The following LRBA variants were observed in gnomAD, a reference collection of about 807,000 sequenced individuals.
LRBA encodes the protein lipopolysaccharide-responsive and beige-like anchor protein.
In LRBA, 176 loss-of-function variants were observed where a neutral mutation model predicts 330.0. The ratio of observed to expected loss-of-function variants is 0.53; its 90% CI spans 0.47 to 0.60. LRBA has a LOEUF of 0.60. Ranked by LOEUF, LRBA falls within the 20% of genes least tolerant of loss-of-function variation. The probability of loss-of-function intolerance (pLI) is 0.00; values close to 1 mark genes in which losing one functional copy is unlikely to be tolerated. For synonymous variants in LRBA, 1,230 were observed against 1,193.0 expected (o/e 1.03, Z -0.64); for missense variants, 3,259 against 3,444.8 (o/e 0.95, Z 1.35).
chr4:150,458,772 ATATT>A (rs1183056089), intron 44 of LRBA, among the ~76,000 whole-genome samples: 1 of 146,844 alleles, frequency 6.8e-6, no homozygotes, highest in Non-Finnish European at 1.5e-5. Flanking sequence ...TTATCTGAAA[ATATT>A]TATTCTAGTT....
Position 150,921,297 on chromosome 4 carries a change from T to C in LRBA, c.550-4A>G, listed in dbSNP as rs1733230475. 1 of 1,564,222 alleles carries C rather than the reference T, an allele frequency of 6.4e-7. No homozygotes were observed. Among genetic ancestry groups the C allele is most frequent in the Non-Finnish European group, 8.8e-7 (1 of 1,135,006 alleles). On this transcript the variant is annotated splice_polypyrimidine_tract_variant and splice_region_variant and intron_variant, in intron 4 of 56. Transcript: ENST00000651943. ...GCAACTTCCCAGCATGTGGAGGCTA[T>C]GAAGATAATTAACAATTCATTAACC...
At chr4:150,678,142 G>C (rs1363408681) in intron 37 of LRBA, among the ~76,000 whole-genome samples, 1 of 151,856 alleles carries the variant, frequency 6.6e-6, no homozygotes, top group Non-Finnish European at 1.5e-5. Context: ...TTCAAAGGCT[G>C]AGACAGGATA....
intron 51 of LRBA, among the ~76,000 whole-genome samples, chr4:150,313,536 G>C (rs1381979206): frequency 6.6e-6 from 1 of 151,998 alleles, no homozygotes; most frequent in East Asian, 1.9e-4. Context: ...AGTGATCTAG[G>C]GCAGGGACAG....
At chr4:150,948,677 C>T (rs184050945) in intron 2 of LRBA, among the ~76,000 whole-genome samples, 72 of 151,934 alleles carry the variant, frequency 4.7e-4, no homozygotes, top group Admixed American at 1.2e-3. Context: ...AAGCTACAAA[C>T]TAGGAGAAAA....
At chr4:150,645,404 G>A (rs1779030735) in intron 37 of LRBA, among the ~76,000 whole-genome samples, 2 of 151,780 alleles carry the variant, frequency 1.3e-5, no homozygotes, top group Admixed American at 1.3e-4. Context: ...GTAATATGAA[G>A]TTACTTTATA....
At chr4:150,766,104 T>G (rs1482181504) in intron 34 of LRBA, among the ~76,000 whole-genome samples, 3 of 152,052 alleles carry the variant, frequency 2.0e-5, no homozygotes, top group Non-Finnish European at 4.4e-5. Context: ...TCGAGGATCA[T>G]CTATAAACCC....
At chr4:150,841,233 T>G (rs147590023) in intron 28 of LRBA, among the ~76,000 whole-genome samples, 1 of 152,340 alleles carries the variant, frequency 6.6e-6, no homozygotes, top group East Asian at 1.9e-4. Flanking sequence ...TGTTATAAAT[T>G]AGTTATGCCA....
chr4:150,489,591 A>T (rs1464007306), intron 41 of LRBA, among the ~76,000 whole-genome samples: 2 of 71,718 alleles, frequency 2.8e-5, no homozygotes, highest in South Asian at 3.6e-4. Context: ...ATAATATATT[A>T]TATAAGAATA....
intron 37 of LRBA, among the ~76,000 whole-genome samples, chr4:150,629,474 A>G (rs1406863737): frequency 6.6e-6 from 1 of 151,794 alleles, no homozygotes; most frequent in Non-Finnish European, 1.5e-5. Flanking sequence ...CCCCACCTCT[A>G]CTAAAAATAC....
At chr4:150,831,557 A>G (rs979960756) in intron 29 of LRBA, among the ~76,000 whole-genome samples, 1 of 152,222 alleles carries the variant, frequency 6.6e-6, no homozygotes, top group Non-Finnish European at 1.5e-5. Context: ...AAATGAAGTC[A>G]ATAAAATTTT....
At chr4:150,985,244 C>A (rs1345974216) in intron 2 of LRBA, among the ~76,000 whole-genome samples, 1 of 143,970 alleles carries the variant, frequency 6.9e-6, no homozygotes. Flanking sequence ...GGTGACAGAG[C>A]TAGACTCCAT....
chr4:150,718,713 A>G (rs1043060679), intron 36 of LRBA, among the ~76,000 whole-genome samples: 1 of 152,160 alleles, frequency 6.6e-6, no homozygotes, highest in Admixed American at 6.5e-5. Flanking sequence ...AAATTTTATT[A>G]TAACACCTTA....
intron 2 of LRBA, among the ~76,000 whole-genome samples, chr4:150,949,036 T>TG (rs1554006195): frequency 6.9e-6 from 1 of 144,950 alleles, no homozygotes; most frequent in Admixed American, 6.9e-5. Flanking sequence ...AATTTCTATT[T>TG]AAAAAAAAAA....
rs1775932547 is a variant in LRBA, at chr4:150,617,967, G to C, written c.5922-18836C>G. 2.0e-5 allele frequency among the ~76,000 whole-genome samples: 3 copies of C among 152,098 alleles called. No individual in the cohort carries two copies. In the South Asian group the frequency reaches 6.2e-4, roughly 32 times the overall value. Reference sequence around the variant, plus strand: ...ACAAAAAATACAAAAAGCTGAGTGAGATGGTGCGAGCCTGTAGTCCCAGCC... The same window carrying C: ...ACAAAAAATACAAAAAGCTGAGTGACATGGTGCGAGCCTGTAGTCCCAGCC... On this transcript the variant is annotated intron_variant, in intron 37 of 56. Transcript: ENST00000651943.
rs1747251299 is a variant in LRBA at position 150,831,906 on chromosome 4, T to A, written c.4640A>T (p.Lys1547Met). 1 of 1,604,364 alleles carries A rather than the reference T, an allele frequency of 6.2e-7. No individual in the cohort carries two copies. Among genetic ancestry groups the A allele is most frequent in the Non-Finnish European group, 8.5e-7 (1 of 1,174,914 alleles). The change falls in exon 29 of 57, where the codon AAG (lysine) becomes ATG (methionine). Residue 1547 changes from lysine (K) to methionine (M), a missense_variant. Coordinates refer to ENST00000651943, the MANE Select transcript of LRBA (RefSeq NM_001364905.1). ...VYFISVLMVS[K>M]YRDILEPQNE... ...TTGGGGTTCCAAAATGTCTCTGTAC[T>A]TGGAGACCATAAGAACAGAGATAAA...
intron 44 of LRBA, among the ~76,000 whole-genome samples, chr4:150,460,865 T>C (rs1248638039): frequency 6.6e-6 from 1 of 151,852 alleles, no homozygotes; most frequent in African/African-American, 2.4e-5. Flanking sequence ...ATCTTGGCCA[T>C]TCCTGTTTCT....
chr4:150,583,861 C>T lies in LRBA; in HGVS notation c.6330+4187G>A, dbSNP rs999696293. On this transcript the variant is annotated intron_variant, in intron 40 of 56. Transcript: ENST00000651943. This position sits in a 1 kb window ranked among gnomAD's most constrained non-coding sequence, Gnocchi z 9.8. Reference sequence around the variant, plus strand: ...CAACAACTACCACATGAAGACGCTGCTGCTGTACGAGTGCGAGAAACACCC... The same window carrying T: ...CAACAACTACCACATGAAGACGCTGTTGCTGTACGAGTGCGAGAAACACCC... The T allele has an allele frequency of 6.2e-7, 1 of 1,613,960 alleles. No individual in the cohort carries two copies. Among genetic ancestry groups the T allele is most frequent in the Admixed American group, 1.7e-5 (1 of 60,000 alleles).
At chr4:150,472,897 G>A (rs1390118687) in intron 42 of LRBA, among the ~76,000 whole-genome samples, 1 of 151,930 alleles carries the variant, frequency 6.6e-6, no homozygotes, top group Non-Finnish European at 1.5e-5. Flanking sequence ...CTAGTTGATG[G>A]ACATTTAACA....
intron 47 of LRBA, among the ~76,000 whole-genome samples, chr4:150,351,212 C>T (rs1055547285): frequency 6.6e-5 from 10 of 151,984 alleles, no homozygotes; most frequent in Admixed American, 1.3e-4. Flanking sequence ...AATTTAATAA[C>T]GTTATAAATA....
Sources: allele counts gnomAD v4.1 joint callset (sites outside exome capture counted in the v4.1 genomes callset), GRCh38; gene constraint gnomAD v4.1.1; non-coding constraint Gnocchi (gnomAD v3.1); transcripts MANE v1.5; gene names NCBI Gene and HGNC (gene_info 2026-07-23, HGNC 2026-07-21).